The following SLC9A9 variants were observed in gnomAD, a reference collection of about 807,000 sequenced individuals.
The protein encoded by SLC9A9 is solute carrier family 9 member A9, also known as sodium/hydrogen exchanger 9.
In SLC9A9, 62 loss-of-function variants were observed where a neutral mutation model predicts 77.8. The ratio of observed to expected loss-of-function variants is 0.80; its 90% CI spans 0.65 to 0.98. The LOEUF (loss-of-function observed/expected upper bound fraction) is 0.98. SLC9A9 is among the 50% of genes least tolerant of loss of function. The probability of loss-of-function intolerance (pLI) is 0.00; values close to 1 mark genes in which losing one functional copy is unlikely to be tolerated. For missense variants in SLC9A9, 775 were observed against 774.9 expected (o/e 1.00, Z 0.00); for synonymous variants, 320 against 283.5 (o/e 1.13, Z -1.29).
rs575146592 is a variant in SLC9A9 at position 143,570,893 on chromosome 3, T to C, written c.1000+3195A>G. ...GTGATTCTAAATTTATTTCCTTCTG[T>C]AAATCTGCATTTTCTAAATTTTCTA... On this transcript the variant is annotated intron_variant, in intron 8 of 15. Coordinates refer to ENST00000316549, the MANE Select transcript of SLC9A9 (RefSeq NM_173653.4). Among the ~76,000 whole-genome samples the C allele has an allele frequency of 8.7e-4, 133 of 152,354 alleles. 1 individual carries two copies. Among genetic ancestry groups the C allele is most frequent in the African/African-American group, 2.9e-3 (121 of 41,580 alleles).
intron 1 of SLC9A9, among the ~76,000 whole-genome samples, chr3:143,842,123 G>A (rs1285435639): frequency 6.6e-6 from 1 of 151,468 alleles, no homozygotes; most frequent in Non-Finnish European, 1.5e-5. Flanking sequence ...GCTCACGCCT[G>A]TAATCCCAGC....
At chr3:143,805,826 A>G (rs2008696928) in intron 2 of SLC9A9, among the ~76,000 whole-genome samples, 1 of 151,802 alleles carries the variant, frequency 6.6e-6, no homozygotes. Flanking sequence ...CCCTTCGCTA[A>G]CTCTCTTTTC....
chr3:143,586,283 C>T (rs1192276155), intron 6 of SLC9A9, among the ~76,000 whole-genome samples: 1 of 152,212 alleles, frequency 6.6e-6, no homozygotes, highest in African/African-American at 2.4e-5. Context: ...TGTTTTCAGC[C>T]ATGGTTCCTA....
chr3:143,773,800 G>A (rs528092210), intron 4 of SLC9A9, among the ~76,000 whole-genome samples: 1 of 152,194 alleles, frequency 6.6e-6, no homozygotes, highest in Admixed American at 6.5e-5. Context: ...TTTAACAATG[G>A]TTGTGTTTGA....
At chr3:143,576,094 G>C (rs1298075048) in intron 7 of SLC9A9, among the ~76,000 whole-genome samples, 1 of 152,178 alleles carries the variant, frequency 6.6e-6, no homozygotes, top group Non-Finnish European at 1.5e-5. Flanking sequence ...CCTCACATCA[G>C]GTAGAGAAGA....
intron 12 of SLC9A9, among the ~76,000 whole-genome samples, chr3:143,436,112 C>G (rs2034617225): frequency 6.6e-6 from 1 of 152,174 alleles, no homozygotes; most frequent in South Asian, 2.1e-4. Flanking sequence ...CGAGTTCCAT[C>G]AAATCAGCCC....
chr3:143,350,840 T>C lies in SLC9A9; in HGVS notation c.1604+12644A>G, dbSNP rs139448599. Among the ~76,000 whole-genome samples the C allele has an allele frequency of 1.3e-3, 201 of 152,316 alleles. 1 individual carries two copies. Among genetic ancestry groups the C allele is most frequent in the Admixed American group, 2.4e-3 (36 of 15,304 alleles). On this transcript the variant is annotated intron_variant, in intron 14 of 15. Coordinates refer to ENST00000316549, the MANE Select transcript of SLC9A9 (RefSeq NM_173653.4). ...TGTCCACAGCTCCGTGTTGCTTCTC[T>C]CTCCCCGTAATCTGGCCTTTACTCC...
chr3:143,658,413 C>A (rs1001649091), intron 5 of SLC9A9, among the ~76,000 whole-genome samples: 6 of 152,198 alleles, frequency 3.9e-5, no homozygotes, highest in Admixed American at 3.3e-4. Flanking sequence ...TTGAGAAGGG[C>A]TCCTGAGATC....
intron 4 of SLC9A9, among the ~76,000 whole-genome samples, chr3:143,706,267 AGATC>A (rs1223781286): frequency 6.6e-6 from 1 of 152,272 alleles, no homozygotes; most frequent in African/African-American, 2.4e-5. Flanking sequence ...CCCATTACAG[AGATC>A]GATCGGGGAG....
chr3:143,507,169 C>T (rs1007812942), intron 9 of SLC9A9, among the ~76,000 whole-genome samples: 1 of 151,778 alleles, frequency 6.6e-6, no homozygotes, highest in Non-Finnish European at 1.5e-5. Flanking sequence ...TATCCCGACA[C>T]ATGTACAGCC....
At chr3:143,280,958 C>T (rs891472579) in intron 14 of SLC9A9, among the ~76,000 whole-genome samples, 2 of 152,210 alleles carry the variant, frequency 1.3e-5, no homozygotes, top group African/African-American at 4.8e-5. Context: ...ATATTCTGTT[C>T]CATTCCATTT....
At chr3:143,301,600 C>A (rs566286389) in intron 14 of SLC9A9, among the ~76,000 whole-genome samples, 1 of 152,290 alleles carries the variant, frequency 6.6e-6, no homozygotes, top group East Asian at 1.9e-4. Context: ...CATTCTCCAG[C>A]AGCAGTCCTT....
Position 143,732,398 on chromosome 3 carries a change from A to G in SLC9A9, c.534-39091T>C, listed in dbSNP as rs116344665. 3.5e-3 allele frequency among the ~76,000 whole-genome samples: 529 copies of G among 152,318 alleles called. 5 individuals carry two copies. Among genetic ancestry groups the G allele is most frequent in the African/African-American group, 0.012 (498 of 41,578 alleles). ...GAGTCTACCAAGAAAAGTGGAGCAG[A>G]TCTTCATTACCCTTTCCTCACATGT... On this transcript the variant is annotated intron_variant, in intron 4 of 15. Transcript: ENST00000316549.
intron 6 of SLC9A9, among the ~76,000 whole-genome samples, chr3:143,645,665 C>G (rs1434529176): frequency 1.3e-5 from 2 of 152,192 alleles, no homozygotes; most frequent in African/African-American, 4.8e-5. Context: ...AAATGCCACT[C>G]AAAGTGCCAA....
chr3:143,739,221 G>A (rs1935021395), intron 4 of SLC9A9, among the ~76,000 whole-genome samples: 4 of 152,120 alleles, frequency 2.6e-5, no homozygotes, highest in African/African-American at 7.2e-5. Flanking sequence ...GATGAAAGGG[G>A]ATTGTTATGA....
chr3:143,457,796 A>T (rs2035120010), intron 12 of SLC9A9, among the ~76,000 whole-genome samples: 1 of 152,206 alleles, frequency 6.6e-6, no homozygotes, highest in Admixed American at 6.5e-5. Context: ...TTCCATTATG[A>T]TCAGAGAACA....
At chr3:143,388,796 C>G (rs772641390) in intron 12 of SLC9A9, among the ~76,000 whole-genome samples, 1 of 152,152 alleles carries the variant, frequency 6.6e-6, no homozygotes, top group African/African-American at 2.4e-5. Flanking sequence ...AAATCGGAAG[C>G]AAAGAACCAC....
At chr3:143,607,349 G>A (rs916462578) in intron 6 of SLC9A9, among the ~76,000 whole-genome samples, 4 of 152,028 alleles carry the variant, frequency 2.6e-5, no homozygotes, top group African/African-American at 9.7e-5. Context: ...AAGAGTAGGT[G>A]CATGAAGCAT....
chr3:143,659,535 T>C (rs1220663076), intron 5 of SLC9A9, among the ~76,000 whole-genome samples: 2 of 152,144 alleles, frequency 1.3e-5, no homozygotes, highest in African/African-American at 4.8e-5. Context: ...AGATGAACAT[T>C]CCTGCTCCTT....
Sources: gnomAD v4.1 joint callset for allele counts (sites outside exome capture counted in the v4.1 genomes callset) on GRCh38, gnomAD v4.1.1 for gene constraint, MANE v1.5 for transcripts, NCBI Gene and HGNC (gene_info 2026-07-23, HGNC 2026-07-21) for gene names.